Variants in MINDY4 observed in about 807,000 individuals in gnomAD.
MINDY4 encodes probable ubiquitin carboxyl-terminal hydrolase MINDY-4.
Under a neutral mutation model 87.0 loss-of-function variants are expected in MINDY4, and 68 were observed. The ratio of observed to expected loss-of-function variants is 0.78; its 90% CI spans 0.64 to 0.96. The LOEUF is 0.96. Among genes scored for constraint, MINDY4 ranks in the 40% least tolerant of loss-of-function variants. The pLI is 0.00. For synonymous variants in MINDY4, 379 were observed against 363.2 expected, an observed-to-expected ratio of 1.04 and a Z score of -0.50; for missense variants, 919 against 928.2, an observed-to-expected ratio of 0.99 and a Z score of 0.13.
chr7:30,857,461 GTTTTTTTTTT>G lies in MINDY4; in HGVS notation c.1678-1776_1678-1767del, dbSNP rs1176212442. On this transcript the variant is annotated intron_variant, in intron 12 of 17. Coordinates refer to ENST00000265299, the MANE Select transcript of MINDY4 (RefSeq NM_032222.3). Reference sequence around the variant, plus strand: ...AAGAGGAGAGATCCATATCCACCTTGTTTTTTTTTTTTTTTTTTTTTTTTTTTTTGAGACG... The same window carrying G: ...AAGAGGAGAGATCCATATCCACCTTGTTTTTTTTTTTTTTTTTTTGAGACG... 6.8e-5 allele frequency among the ~76,000 whole-genome samples: 4 copies of G among 58,996 alleles called. 1 individual carries two copies. Among genetic ancestry groups the G allele is most frequent in the African/African-American group, 5.1e-4 (4 of 7,802 alleles). The allele number at this position is 58,996 out of a possible 152,430, so 38.7% of individuals were successfully genotyped here. A position where few individuals can be genotyped will look rare whatever the true frequency, so the allele number is the denominator to read the frequency against.
intron 7 of MINDY4, among the ~76,000 whole-genome samples, chr7:30,837,247 G>A (rs1328082627): frequency 6.6e-6 from 1 of 152,144 alleles, no homozygotes. Context: ...GCAGGTTCCT[G>A]GCCACAGCAG....
Position 30,771,570 on chromosome 7 carries a change from C to T in MINDY4, c.63+14C>T, listed in dbSNP as rs772422045. Reference sequence around the variant, plus strand: ...CTCAGCAGAAAGGTAACGGCTCGCCCCCTCCAAAGCCCAGGAAGTGGCTCT... The same window carrying T: ...CTCAGCAGAAAGGTAACGGCTCGCCTCCTCCAAAGCCCAGGAAGTGGCTCT... On this transcript the variant is annotated intron_variant, in intron 1 of 17. Transcript: ENST00000265299. The T allele has an allele frequency of 6.3e-7, 1 of 1,580,544 alleles. No homozygotes were observed. The highest frequency in any genetic ancestry group is 1.2e-5 in the South Asian group (1 of 85,966).
chr7:30,878,868 CT>C (rs1388578534), intron 15 of MINDY4, among the ~76,000 whole-genome samples: 5 of 152,318 alleles, frequency 3.3e-5, no homozygotes, highest in Non-Finnish European at 7.4e-5. Context: ...GTGCCTCCCC[CT>C]GAAGTTGTTT....
intron 5 of MINDY4, among the ~76,000 whole-genome samples, chr7:30,794,603 G>C (rs1286069371): frequency 6.6e-6 from 1 of 152,208 alleles, no homozygotes; most frequent in South Asian, 2.1e-4. Context: ...ACACTCCTCA[G>C]ATCTGACTCC....
At position 30,791,453 on chromosome 7, in the gene MINDY4, G is replaced by A. The variant is rs1175371815; in HGVS notation, c.952G>A (p.Gly318Ser). 6 of 1,614,100 alleles carry A rather than the reference G, an allele frequency of 3.7e-6. 1 individual carries two copies. Among genetic ancestry groups the A allele is most frequent in the Middle Eastern group, 3.3e-4 (2 of 6,062 alleles). ...CTCCGAGGACACCCCAGCAGTGGAC[G>A]GCAGCACAGACACGGACAGGATGCC... ...DPSEDTPAVD[G>S]STDTDRMPLK... is the part of the protein sequence containing the mutation. The change falls in exon 5 of 18, where the codon GGC (glycine) becomes AGC (serine). Residue 318 changes from glycine to serine, a missense_variant. Physicochemically the swap from Gly to Ser is moderately conservative, Grantham distance 56. Transcript: ENST00000265299.
intron 9 of MINDY4, among the ~76,000 whole-genome samples, chr7:30,842,401 C>T (rs1789068519): frequency 6.6e-6 from 1 of 152,204 alleles, no homozygotes; most frequent in African/African-American, 2.4e-5. Flanking sequence ...CAACACAGTC[C>T]TGTATGCTCA....
chr7:30,836,409 G>T (rs1562547886), intron 6 of MINDY4, among the ~76,000 whole-genome samples: 1 of 152,320 alleles, frequency 6.6e-6, no homozygotes, highest in African/African-American at 2.4e-5. Flanking sequence ...GTCTCACTCG[G>T]CAACATCCTC....
chr7:30,836,814 A>G (rs766383337), intron 7 of MINDY4, 50 bp downstream of exon 7: 17 of 1,418,176 alleles, frequency 1.2e-5, no homozygotes, highest in Non-Finnish European at 1.7e-5. Context: ...TTGAATGGAT[A>G]TAGATGGCGT....
rs1291545101 is a variant in MINDY4, at chr7:30,808,172, GCCC to G, written c.1073+16601_1073+16603del. Among the ~76,000 whole-genome samples the G allele has an allele frequency of 3.3e-5, 5 of 152,306 alleles. No individual in the cohort carries two copies. The East Asian group carries it at 9.7e-4, about 29-fold the overall frequency. ...GCCTTGCCAGAGCAGTGCGTGGCAG[GCCC>G]CCGTGGAGGATCAATGTGGTGGCTG... On this transcript the variant is annotated intron_variant, in intron 5 of 17. Transcript: ENST00000265299.
chr7:30,885,884 G>T (rs1288296465), intron 17 of MINDY4, among the ~76,000 whole-genome samples: 12 of 152,162 alleles, frequency 7.9e-5, no homozygotes. Flanking sequence ...CTGCCTGCCT[G>T]TTCCACTTCC....
intron 5 of MINDY4, 119 bp downstream of exon 5, chr7:30,791,693 C>G (rs1787328920): frequency 1.8e-6 from 2 of 1,108,596 alleles, no homozygotes; most frequent in Non-Finnish European, 2.5e-6. Context: ...TCAGAACAAG[C>G]CTGCGAAGTA....
chr7:30,880,789 C>T (rs1339598821), intron 15 of MINDY4, among the ~76,000 whole-genome samples: 3 of 152,112 alleles, frequency 2.0e-5, no homozygotes, highest in Non-Finnish European at 2.9e-5. Flanking sequence ...TGGGGTGAGG[C>T]TTCGGTGTGG....
intron 1 of MINDY4, among the ~76,000 whole-genome samples, chr7:30,777,029 A>G (rs1325020624): frequency 1.6e-5 from 2 of 128,974 alleles, no homozygotes; most frequent in Non-Finnish European, 3.2e-5. Flanking sequence ...TTTTTTTTAG[A>G]GATAGGGTCT....
intron 1 of MINDY4, among the ~76,000 whole-genome samples, chr7:30,773,819 C>T (rs1165896712): frequency 6.6e-6 from 1 of 152,152 alleles, no homozygotes; most frequent in Non-Finnish European, 1.5e-5. Context: ...CCAGCCTCAC[C>T]ACATCTATAT....
intron 1 of MINDY4, among the ~76,000 whole-genome samples, chr7:30,772,713 T>A (rs1374004892): frequency 6.6e-6 from 1 of 152,210 alleles, no homozygotes; most frequent in East Asian, 1.9e-4. Context: ...TTTGGCTTTG[T>A]CGCATCTGCC....
chr7:30,874,846 C>T (rs1432480799), intron 14 of MINDY4, among the ~76,000 whole-genome samples: 4 of 152,280 alleles, frequency 2.6e-5, no homozygotes, highest in Middle Eastern at 3.4e-3. Context: ...GGTCAGTTTC[C>T]TGGTTGAGAT....
chr7:30,790,525 C>T (rs1337289772), intron 4 of MINDY4, among the ~76,000 whole-genome samples: 1 of 151,994 alleles, frequency 6.6e-6, no homozygotes, highest in African/African-American at 2.4e-5. Context: ...CGGCTCACTG[C>T]AATCTCTGCC....
In MINDY4 at chr7:30,791,502, G is replaced by C. The variant is rs776392657; in HGVS notation, c.1001G>C (p.Gly334Ala). ...RMPLKLYLPG[G>A]NSRMTQERLE... ...CCCTTGAAGCTCTACTTGCCTGGTG[G>C]TAATTCCAGGATGACCCAGGAGAGG... The change falls in exon 5 of 18, where the codon GGT (glycine) becomes GCT (alanine). Residue 334 changes from glycine to alanine, a missense_variant. Coordinates refer to ENST00000265299, the MANE Select transcript of MINDY4 (RefSeq NM_032222.3). The C allele has an allele frequency of 6.2e-7, 1 of 1,613,964 alleles. No individual in the cohort carries two copies. The highest frequency in any genetic ancestry group is 1.1e-5 in the South Asian group (1 of 91,072).
In MINDY4 at chr7:30,791,228, G is replaced by C; in HGVS notation, c.727G>C (p.Glu243Gln). 1.2e-6 allele frequency: 2 copies of C among 1,614,106 alleles called. No individual in the cohort carries two copies. The highest frequency in any genetic ancestry group is 1.7e-6 in the Non-Finnish European group (2 of 1,180,042). The stretch of plus-strand genomic sequence containing the variant: ...GTCAAGCAGCTCCACCCAACCCCAA[G>C]AAGAGAGCCGGAAGGTCCCTGAGCT... ...SPSSSSTQPQ[E>Q]ESRKVPELFV... The change falls in exon 5 of 18, where the codon GAA becomes CAA. Residue 243 changes from glutamate to glutamine, a missense_variant. By Grantham distance (29) the Glu-to-Gln change is conservative (BLOSUM62 2). Coordinates refer to ENST00000265299, the MANE Select transcript of MINDY4 (RefSeq NM_032222.3).
Sources: gnomAD v4.1 joint callset for allele counts (sites outside exome capture counted in the v4.1 genomes callset) on GRCh38, gnomAD v4.1.1 for gene constraint, MANE v1.5 for transcripts, NCBI Gene and HGNC (gene_info 2026-07-23, HGNC 2026-07-21) for gene names.